Variants in DPH6 observed in about 807,000 individuals in gnomAD.
The protein encoded by DPH6 is diphthamine biosynthesis 6.
A neutral mutation model predicts 38.2 loss-of-function variants in DPH6; 33 were observed. The ratio of observed to expected loss-of-function variants is 0.86; its 90% CI spans 0.65 to 1.15. DPH6 has a LOEUF of 1.15. DPH6 is among the 50% of genes most tolerant of loss of function. The probability of loss-of-function intolerance (pLI) is 0.00; values close to 1 mark genes in which losing one functional copy is unlikely to be tolerated. For synonymous variants in DPH6, 108 were observed against 103.0 expected (o/e 1.05, Z -0.30); for missense variants, 325 against 320.0 (o/e 1.02, Z -0.12).
At chr15:35,304,441 T>A (rs1047573553) in intron 3 of DPH6, among the ~76,000 whole-genome samples, 2 of 152,108 alleles carry the variant, frequency 1.3e-5, no homozygotes, top group Non-Finnish European at 2.9e-5. Flanking sequence ...CCCAGTATTA[T>A]AAACATGATT....
chr15:35,465,879 A>G (rs900816711), intron 3 of DPH6, among the ~76,000 whole-genome samples: 7 of 152,264 alleles, frequency 4.6e-5, no homozygotes, highest in African/African-American at 1.7e-4. Context: ...TTTGTCAGTT[A>G]TATCCATTTA....
chr15:35,515,887 G>A (rs2054839873), intron 3 of DPH6, among the ~76,000 whole-genome samples: 1 of 152,064 alleles, frequency 6.6e-6, no homozygotes, highest in Non-Finnish European at 1.5e-5. Flanking sequence ...AACAAAGTGA[G>A]ACCTTGTTTT....
intron 1 of DPH6, among the ~76,000 whole-genome samples, chr15:35,542,965 T>TATATATATATATAAA (rs58422347): frequency 1.3e-5 from 1 of 76,176 alleles, no homozygotes; most frequent in East Asian, 5.2e-4. Flanking sequence ...TATATATATA[T>TATATATATATATAAA]AAAATAATTT....
At chr15:35,448,783 T>C (rs950797011) in intron 5 of DPH6, among the ~76,000 whole-genome samples, 11 of 152,084 alleles carry the variant, frequency 7.2e-5, no homozygotes, top group African/African-American at 2.4e-4. Context: ...CTTAAAACAT[T>C]ATAATGAAAC....
intron 3 of DPH6, among the ~76,000 whole-genome samples, chr15:35,337,250 T>C (rs1023570839): frequency 1.3e-5 from 2 of 152,240 alleles, no homozygotes; most frequent in African/African-American, 2.4e-5. Flanking sequence ...GTTTGTAGTA[T>C]TCTCTGATGG....
intron 3 of DPH6, among the ~76,000 whole-genome samples, chr15:35,313,240 A>ATT (rs370160874): frequency 4.6e-4 from 65 of 142,434 alleles, no homozygotes; most frequent in African/African-American, 1.6e-3. Flanking sequence ...TTAAAAAAAA[A>ATT]TTTTTTTTTT....
intron 5 of DPH6, among the ~76,000 whole-genome samples, chr15:35,434,532 C>A (rs555669577): frequency 6.6e-6 from 1 of 151,866 alleles, no homozygotes; most frequent in Non-Finnish European, 1.5e-5. Flanking sequence ...CTTTTTAAGA[C>A]AAAGATTGGG....
intron 6 of DPH6, chr15:35,401,809 G>A: frequency 1.7e-6 from 1 of 589,418 alleles, no homozygotes; most frequent in South Asian, 1.5e-5. Context: ...AGGAGAGCCA[G>A]AGAAGTTGAC....
intron 6 of DPH6, among the ~76,000 whole-genome samples, chr15:35,383,140 T>C (rs975385531): frequency 2.0e-5 from 3 of 152,230 alleles, no homozygotes; most frequent in Non-Finnish European, 2.9e-5. Context: ...TATTAGAAAA[T>C]GTTTTACTGA....
chr15:35,398,811 C>T (rs1435466129), intron 6 of DPH6, among the ~76,000 whole-genome samples: 1 of 152,054 alleles, frequency 6.6e-6, no homozygotes, highest in African/African-American at 2.4e-5. Context: ...AGCACTGAAC[C>T]TTTAATCTGT....
chr15:35,356,262 T>C (rs1403742839), intron 3 of DPH6, among the ~76,000 whole-genome samples: 2 of 152,194 alleles, frequency 1.3e-5, no homozygotes, highest in Non-Finnish European at 2.9e-5. Context: ...TTTGATCATC[T>C]GAAGACTTCT....
intron 6 of DPH6, chr15:35,401,381 A>G: frequency 4.0e-6 from 3 of 751,782 alleles, no homozygotes; most frequent in Non-Finnish European, 4.9e-6. Context: ...GGGAATGGCT[A>G]TAATGATTTT....
At position 35,372,108 on chromosome 15, in the gene DPH6, T is replaced by G. The variant is rs1431321379; in HGVS notation, c.*42A>C. On this transcript the variant is annotated 3_prime_UTR_variant, in exon 9 of 9. Coordinates refer to ENST00000256538, the MANE Select transcript of DPH6 (RefSeq NM_080650.4). ...GAGAAAATACTATGCAATTTTTTTG[T>G]ATAGAAATGGTGGTTTAATGAACAA... 1.3e-6 allele frequency: 2 copies of G among 1,494,548 alleles called. No individual in the cohort carries two copies. Among genetic ancestry groups the G allele is most frequent in the East Asian group, 5.1e-5 (2 of 38,934 alleles). The allele number at this position is 1,494,548 out of a possible 1,614,324, so 92.6% of individuals were successfully genotyped here. A position where few individuals can be genotyped will look rare whatever the true frequency, so the allele number is the denominator to read the frequency against.
chr15:35,469,462 A>C (rs1483370981), intron 3 of DPH6, among the ~76,000 whole-genome samples: 1 of 152,214 alleles, frequency 6.6e-6, no homozygotes, highest in Non-Finnish European at 1.5e-5. Flanking sequence ...AGAAATGATA[A>C]AGGTCTAAAC....
At chr15:35,318,757 G>T (rs59453207) in intron 3 of DPH6, among the ~76,000 whole-genome samples, 14,441 of 151,944 alleles carry the variant, frequency 0.095, 1,826 homozygotes, top group East Asian at 0.33. Context: ...CATTTTCACA[G>T]TTAAAAACTG....
chr15:35,374,067 A>G (rs890151179), intron 7 of DPH6, among the ~76,000 whole-genome samples: 4 of 152,036 alleles, frequency 2.6e-5, no homozygotes, highest in South Asian at 2.1e-4. Context: ...TAAGCTCTAG[A>G]TGAACTCTTC....
At chr15:35,271,120 G>A (rs2051819546) in intron 3 of DPH6, among the ~76,000 whole-genome samples, 1 of 152,134 alleles carries the variant, frequency 6.6e-6, no homozygotes, top group Non-Finnish European at 1.5e-5. Flanking sequence ...CCCTACAAAA[G>A]GATTAGTTCA....
At chr15:35,382,134 A>G (rs986994086) in intron 6 of DPH6, among the ~76,000 whole-genome samples, 1 of 151,440 alleles carries the variant, frequency 6.6e-6, no homozygotes, top group African/African-American at 2.4e-5. Flanking sequence ...CAAAACTCTT[A>G]AAAAAAAATA....
At chr15:35,215,657 C>T (rs2051407651), downstream of DPH6, among the ~76,000 whole-genome samples, 1 of 152,182 alleles carries the variant, frequency 6.6e-6, no homozygotes, top group African/African-American at 2.4e-5. Context: ...CAGGTGCTAG[C>T]CACTACACCC....
Sources: allele counts gnomAD v4.1 joint callset (sites outside exome capture counted in the v4.1 genomes callset), GRCh38; gene constraint gnomAD v4.1.1; transcripts MANE v1.5; gene names NCBI Gene and HGNC (gene_info 2026-07-23, HGNC 2026-07-21).